Variants in PHACTR2 observed in about 807,000 individuals in gnomAD.
The protein encoded by PHACTR2 is chromosome 6 open reading frame 56.
PHACTR2 carries 30 observed loss-of-function variants against 76.0 expected under a neutral mutation model. The observed-to-expected ratio is 0.39, with a 90% CI of 0.30 to 0.54. The LOEUF is 0.54. Among genes scored for constraint, PHACTR2 ranks in the 20% least tolerant of loss-of-function variants. The pLI is 0.61. For synonymous variants in PHACTR2, 292 were observed against 292.5 expected, an observed-to-expected ratio of 1.00 and a Z score of 0.02; for missense variants, 696 against 781.1, an observed-to-expected ratio of 0.89 and a Z score of 1.30.
chr6:143,753,118 T>C lies in PHACTR2; in HGVS notation c.296-636T>C, dbSNP rs947096912. ...TAGGACAACTTAGGGACTTTTTGGC[T>C]AGTTATATATAATAATTACCTGAGT... On this transcript the variant is annotated intron_variant, in intron 3 of 12. Coordinates refer to ENST00000440869, the MANE Select transcript of PHACTR2 (RefSeq NM_001100164.2). This position sits in a 1 kb window ranked among gnomAD's most constrained non-coding sequence, Gnocchi z 4.6. Among the ~76,000 whole-genome samples, 2 of 152,018 alleles carry C rather than the reference T, an allele frequency of 1.3e-5. No homozygotes were observed. Among genetic ancestry groups the C allele is most frequent in the Non-Finnish European group, 2.9e-5 (2 of 67,964 alleles).
rs1056839153 is a variant in PHACTR2, at chr6:143,821,465, C to T, written c.1923-2209C>T. ...ACTATCACGTGCCGGAGATTGTATT[C>T]AATGAGTATGTAAAAATGGATAAGA... On this transcript the variant is annotated intron_variant, in intron 12 of 12. Coordinates refer to ENST00000440869, the MANE Select transcript of PHACTR2 (RefSeq NM_001100164.2). The surrounding 1 kb of genome is among the most constrained non-coding windows in gnomAD (Gnocchi z 5.2). 3.3e-5 allele frequency among the ~76,000 whole-genome samples: 5 copies of T among 152,164 alleles called. No individual in the cohort carries two copies. Among genetic ancestry groups the T allele is most frequent in the African/African-American group, 1.2e-4 (5 of 41,438 alleles).
Position 143,680,600 on chromosome 6 carries a change from A to G in PHACTR2, c.46+2391A>G, listed in dbSNP as rs965961824. On this transcript the variant is annotated intron_variant, in intron 1 of 12. Coordinates refer to ENST00000440869, the MANE Select transcript of PHACTR2 (RefSeq NM_001100164.2). This position sits in a 1 kb window ranked among gnomAD's most constrained non-coding sequence, Gnocchi z 4.5. ...TCTCTGGGTTCTAGGAAGACCATTA[A>G]TAATTTTTTCTGAAAATATGCAGTT... Among the ~76,000 whole-genome samples, 5 of 152,224 alleles carry G rather than the reference A, an allele frequency of 3.3e-5. No homozygotes were observed. Among genetic ancestry groups the G allele is most frequent in the East Asian group, 3.8e-4 (2 of 5,200 alleles).
chr6:143,783,137 A>G lies in PHACTR2; in HGVS notation c.1646-82A>G. On this transcript the variant is annotated intron_variant, in intron 9 of 12. Transcript: ENST00000440869. This position sits in a 1 kb window ranked among gnomAD's most constrained non-coding sequence, Gnocchi z 5.2. The stretch of plus-strand genomic sequence containing the variant: ...TTTGATCATTATTTGTTAGAGTCAC[A>G]TGATCGTGGCCTGATACACTTTTCT... 1 of 770,778 alleles carries G rather than the reference A, an allele frequency of 1.3e-6. No homozygotes were observed. The highest frequency in any genetic ancestry group is 2.2e-6 in the Non-Finnish European group (1 of 448,298). 47.7% of individuals were successfully genotyped at this position (770,778 alleles called of 1,614,324 possible). A position where few individuals can be genotyped will look rare whatever the true frequency, so the allele number is the denominator to read the frequency against.
chr6:143,544,894 AG>A (rs1388662857), intron 1 of PHACTR2, among the ~76,000 whole-genome samples: 2 of 152,170 alleles, frequency 1.3e-5, no homozygotes, highest in African/African-American at 4.8e-5. Context: ...TGTAAATAGA[AG>A]ATTGGGTAAA....
chr6:143,624,812 G>A lies in PHACTR2; in HGVS notation c.13+16490G>A, dbSNP rs1204791386. ...GTTTGTCATTGTGCCTACAAGCTGAGTACAGTGTCAGATATCAGAGATGGA... is the reference window on the plus strand; with the variant it reads ...GTTTGTCATTGTGCCTACAAGCTGAATACAGTGTCAGATATCAGAGATGGA... On this transcript the variant is annotated intron_variant, in intron 1 of 11. Coordinates refer to the PHACTR2 transcript ENST00000305766. This position sits in a 1 kb window ranked among gnomAD's most constrained non-coding sequence, Gnocchi z 4.6. Among the ~76,000 whole-genome samples, 1 of 152,040 alleles carries A rather than the reference G, an allele frequency of 6.6e-6. No individual in the cohort carries two copies. Among genetic ancestry groups the A allele is most frequent in the Non-Finnish European group, 1.5e-5 (1 of 68,026 alleles).
At position 143,599,573 on chromosome 6, in the gene PHACTR2, A is replaced by C. The variant is rs1775792942; in HGVS notation, c.217+62366A>C. ...CCAACTTAACAAATGTCGTATTACT[A>C]AAGAAATGCTTATTAATTTAAATTT... On this transcript the variant is annotated intron_variant, in intron 1 of 11. Coordinates refer to the PHACTR2 transcript ENST00000367584. The surrounding 1 kb of genome is among the most constrained non-coding windows in gnomAD (Gnocchi z 4.6). 2.0e-5 allele frequency among the ~76,000 whole-genome samples: 3 copies of C among 152,212 alleles called. No homozygotes were observed.
In PHACTR2 at chr6:143,819,883, A is replaced by G. The variant is rs771681174; in HGVS notation, c.1923-3791A>G. ...AGAAATACCTGAGACTAGGTAATTTATAAGAAAACAGGTTTAATTGGCTCA... is the reference window on the plus strand; with the variant it reads ...AGAAATACCTGAGACTAGGTAATTTGTAAGAAAACAGGTTTAATTGGCTCA... On this transcript the variant is annotated intron_variant, in intron 12 of 12. Transcript: ENST00000440869. This position sits in a 1 kb window ranked among gnomAD's most constrained non-coding sequence, Gnocchi z 5.0. Among the ~76,000 whole-genome samples the G allele has an allele frequency of 6.6e-6, 1 of 152,210 alleles. No individual in the cohort carries two copies. Among genetic ancestry groups the G allele is most frequent in the East Asian group, 1.9e-4 (1 of 5,204 alleles).
In PHACTR2 at chr6:143,796,431, C is replaced by T. The variant is rs578220417; in HGVS notation, c.1845+7521C>T. 4.0e-5 allele frequency among the ~76,000 whole-genome samples: 6 copies of T among 149,496 alleles called. No homozygotes were observed. In the South Asian group the frequency reaches 1.3e-3, roughly 32 times the overall value. On this transcript the variant is annotated intron_variant, in intron 11 of 12. Transcript: ENST00000440869. ...TCTTTCTTTCTTTGTTTTTATTATA[C>T]TTTAAGTTCTGGGTTACATGTGCAG...
rs543178997 is a variant in PHACTR2, at chr6:143,684,529, G to A, written c.46+6320G>A. Among the ~76,000 whole-genome samples the A allele has an allele frequency of 6.6e-6, 1 of 152,324 alleles. No homozygotes were observed. The highest frequency in any genetic ancestry group is 2.1e-4 in the South Asian group (1 of 4,814). On this transcript the variant is annotated intron_variant, in intron 1 of 12. Transcript: ENST00000440869. This position sits in a 1 kb window ranked among gnomAD's most constrained non-coding sequence, Gnocchi z 4.3. ...GTCCTAATGACATATTAGCAGTAGA[G>A]TTGCTAGGTCAAAAGATTTGTGTGT...
In PHACTR2 at chr6:143,595,550, T is replaced by C. The variant is rs926375555; in HGVS notation, c.217+58343T>C. On this transcript the variant is annotated intron_variant, in intron 1 of 11. Transcript: ENST00000367584. This position sits in a 1 kb window ranked among gnomAD's most constrained non-coding sequence, Gnocchi z 4.2. ...ATTCAGACTTTCACAGAGCAAGCTA[T>C]AAGGTGTGTCTTGAGAAACTGATGC... Among the ~76,000 whole-genome samples the C allele has an allele frequency of 1.3e-5, 2 of 152,234 alleles. No individual in the cohort carries two copies. The highest frequency in any genetic ancestry group is 2.9e-5 in the Non-Finnish European group (2 of 68,042).
chr6:143,713,680 G>A (rs752178627), intron 2 of PHACTR2, among the ~76,000 whole-genome samples: 36 of 152,132 alleles, frequency 2.4e-4, no homozygotes, highest in Non-Finnish European at 4.6e-4. Flanking sequence ...TAAACTCGGA[G>A]GTGCTTCAGT....
intron 1 of PHACTR2, among the ~76,000 whole-genome samples, chr6:143,634,951 G>C (rs889704470): frequency 2.6e-5 from 4 of 151,908 alleles, no homozygotes; most frequent in Non-Finnish European, 5.9e-5. Flanking sequence ...GACTAATTTA[G>C]ATAGCCTGAG....
chr6:143,779,348 C>CTTTT (rs985719804), intron 9 of PHACTR2, among the ~76,000 whole-genome samples: 1 of 138,620 alleles, frequency 7.2e-6, no homozygotes, highest in Non-Finnish European at 1.6e-5. Context: ...ACTAGGTCAT[C>CTTTT]TTTTTTTTTT....
intron 2 of PHACTR2, among the ~76,000 whole-genome samples, chr6:143,713,347 T>A (rs987958596): frequency 2.6e-5 from 4 of 152,138 alleles, no homozygotes; most frequent in Non-Finnish European, 5.9e-5. Context: ...TAGGTAAGAT[T>A]ATAGATAAAG....
In PHACTR2 at chr6:143,757,466, C is replaced by T. The variant is rs1328137001; in HGVS notation, c.455-2935C>T. ...AAGCAGAGGAATTGGGTAAGAATTGCATTCTAGGCAGGGTGAGGACCACAT... is the reference window on the plus strand; with the variant it reads ...AAGCAGAGGAATTGGGTAAGAATTGTATTCTAGGCAGGGTGAGGACCACAT... On this transcript the variant is annotated intron_variant, in intron 4 of 12. Coordinates refer to ENST00000440869, the MANE Select transcript of PHACTR2 (RefSeq NM_001100164.2). This position sits in a 1 kb window ranked among gnomAD's most constrained non-coding sequence, Gnocchi z 4.2. Among the ~76,000 whole-genome samples the T allele has an allele frequency of 6.6e-6, 1 of 152,196 alleles. No homozygotes were observed. The highest frequency in any genetic ancestry group is 2.4e-5 in the African/African-American group (1 of 41,450).
At position 143,678,303 on chromosome 6, in the gene PHACTR2, T is replaced by C. The variant is rs1185613281; in HGVS notation, c.46+94T>C. ...AGGCAGGGTTAGTCGTCTGGTCGGG[T>C]TCCGCTCGGACCCGCCAAGTCCCTC... On this transcript the variant is annotated intron_variant, in intron 1 of 12. Transcript: ENST00000440869. This position sits in a 1 kb window ranked among gnomAD's most constrained non-coding sequence, Gnocchi z 6.2. The C allele has an allele frequency of 4.2e-6, 5 of 1,199,932 alleles. No homozygotes were observed. Among genetic ancestry groups the C allele is most frequent in the Non-Finnish European group, 5.5e-6 (5 of 909,082 alleles). 74.3% of individuals were successfully genotyped at this position (1,199,932 alleles called of 1,614,324 possible). A position where few individuals can be genotyped will look rare whatever the true frequency, so the allele number is the denominator to read the frequency against.
At chr6:143,692,792 AAAT>A (rs1777675672) in intron 1 of PHACTR2, among the ~76,000 whole-genome samples, 1 of 152,246 alleles carries the variant, frequency 6.6e-6, no homozygotes, top group Non-Finnish European at 1.5e-5. Context: ...ACATGTTAAT[AAAT>A]AACTTTGCAG....
At chr6:143,608,165 G>A (rs530309039), upstream of PHACTR2, 32 of 761,432 alleles carry the variant, frequency 4.2e-5, no homozygotes, top group Non-Finnish European at 6.5e-5. This position sits in a 1 kb window ranked among gnomAD's most constrained non-coding sequence, Gnocchi z 4.6. Flanking sequence ...TTTCCTGGCG[G>A]TGTCTCCTGC....
At position 143,616,167 on chromosome 6, in the gene PHACTR2, C is replaced by A. The variant is rs1776055737; in HGVS notation, c.13+7845C>A. 6.6e-6 allele frequency among the ~76,000 whole-genome samples: 1 copy of A among 152,136 alleles called. No homozygotes were observed. Among genetic ancestry groups the A allele is most frequent in the Non-Finnish European group, 1.5e-5 (1 of 68,020 alleles). ...TAATTCCCAACATCCAGCTATCTCC[C>A]CAAAATTATTTTGAATTTTTTTCAC... is the stretch of plus-strand genomic sequence containing the variant. On this transcript the variant is annotated intron_variant, in intron 1 of 11. Coordinates refer to the PHACTR2 transcript ENST00000305766. The surrounding 1 kb of genome is among the most constrained non-coding windows in gnomAD (Gnocchi z 4.9).
Sources: allele counts gnomAD v4.1 joint callset (sites outside exome capture counted in the v4.1 genomes callset), GRCh38; gene constraint gnomAD v4.1.1; non-coding constraint Gnocchi (gnomAD v3.1); transcripts MANE v1.5; gene names NCBI Gene and HGNC (gene_info 2026-07-23, HGNC 2026-07-21).